The following PCNT variants were observed in gnomAD, a reference collection of about 807,000 sequenced individuals.
PCNT encodes the protein pericentrin.
Under a neutral mutation model 380.4 loss-of-function variants are expected in PCNT, and 319 were observed. That is an observed-to-expected ratio of 0.84 (90% CI 0.77 to 0.92). The LOEUF is 0.92. Among genes scored for constraint, PCNT ranks in the 40% least tolerant of loss-of-function variants. The probability of loss-of-function intolerance (pLI) is 0.00; values close to 1 mark genes in which losing one functional copy is unlikely to be tolerated. For synonymous variants in PCNT, 1,845 were observed against 1,735.2 expected (o/e 1.06, Z -1.57); for missense variants, 4,400 against 4,255.3 (o/e 1.03, Z -0.95).
In PCNT at chr21:46,440,129, GTT is replaced by G. The variant is rs2053567856; in HGVS notation, c.9321_9322del (p.Ser3108ProfsTer38). 3 of 1,614,040 alleles carry G rather than the reference GTT, an allele frequency of 1.9e-6. No individual in the cohort carries two copies. Among genetic ancestry groups the G allele is most frequent in the African/African-American group, 1.3e-5 (1 of 74,936 alleles). On this transcript the variant is annotated frameshift_variant, in exon 42 of 47. Coordinates refer to ENST00000359568, the MANE Select transcript of PCNT (RefSeq NM_006031.6). LOFTEE classifies it high-confidence loss of function. Reference sequence around the variant, plus strand: ...AAGCCAGACGAAACGGCTCCACAGAGTTCCCTGAGGCGCCCAGACCCCGGCCG... The same window carrying G: ...AAGCCAGACGAAACGGCTCCACAGAGCCCTGAGGCGCCCAGACCCCGGCCG...
chr21:46,406,223 C>G (rs1419370055), intron 27 of PCNT, among the ~76,000 whole-genome samples: 1 of 152,212 alleles, frequency 6.6e-6, no homozygotes, highest in Non-Finnish European at 1.5e-5. Flanking sequence ...TCCAGCCATC[C>G]TAACACCTCA....
At chr21:46,348,960 T>C (rs1313422872) in intron 6 of PCNT, 52 bp from the exon 7 acceptor site, 1 of 1,238,834 alleles carries the variant, frequency 8.1e-7, no homozygotes, top group African/African-American at 1.5e-5. Context: ...TTTAAATTTC[T>C]TTAGCACAGA....
At chr21:46,335,762 T>A (rs1001203808) in intron 3 of PCNT, among the ~76,000 whole-genome samples, 2 of 151,770 alleles carry the variant, frequency 1.3e-5, no homozygotes, top group African/African-American at 4.8e-5. Flanking sequence ...CTTGGCTTAC[T>A]GTAACCTCCG....
Position 46,399,842 on chromosome 21 carries a change from G to A in PCNT, c.4791+46G>A, listed in dbSNP as rs201950773. The A allele has an allele frequency of 4.0e-4, 593 of 1,498,168 alleles. 1 individual carries two copies. Among genetic ancestry groups the A allele is most frequent in the African/African-American group, 4.4e-4 (32 of 72,850 alleles). The allele number at this position is 1,498,168 out of a possible 1,614,324, so 92.8% of individuals were successfully genotyped here. On this transcript the variant is annotated intron_variant, in intron 25 of 46. Transcript: ENST00000359568. Reference sequence around the variant, plus strand: ...GGTTGGGCACGTGGTGAGGTGTCCCGCAGGCATGGCTTCATCGCTGAGCTG... The same window carrying A: ...GGTTGGGCACGTGGTGAGGTGTCCCACAGGCATGGCTTCATCGCTGAGCTG...
chr21:46,421,250 TCC>T (rs2087236727), intron 31 of PCNT, among the ~76,000 whole-genome samples: 1 of 152,222 alleles, frequency 6.6e-6, no homozygotes, highest in Non-Finnish European at 1.5e-5. Flanking sequence ...CAGCCTCCGC[TCC>T]CCAGGGAGCT....
At chr21:46,359,808 A>C (rs992224731) in intron 13 of PCNT, among the ~76,000 whole-genome samples, 1 of 150,832 alleles carries the variant, frequency 6.6e-6, no homozygotes, top group African/African-American at 2.4e-5. Context: ...CAATACAGTC[A>C]TTCCAACCTT....
chr21:46,364,325 G>T (rs2084823884), intron 14 of PCNT, among the ~76,000 whole-genome samples: 1 of 151,692 alleles, frequency 6.6e-6, no homozygotes, highest in South Asian at 2.1e-4. Context: ...GGGCAGGCTG[G>T]CAGCCGCCAC....
chr21:46,347,198 G>A (rs1042580922), intron 5 of PCNT, among the ~76,000 whole-genome samples, 200 bp downstream of exon 5: 1 of 152,228 alleles, frequency 6.6e-6, no homozygotes, highest in African/African-American at 2.4e-5. Flanking sequence ...GAGATTATTA[G>A]AGCAGGTTTC....
Position 46,431,647 on chromosome 21 carries a change from G to T in PCNT, c.8183G>T (p.Arg2728Leu), listed in dbSNP as rs1412889091. 6.2e-7 allele frequency: 1 copy of T among 1,613,810 alleles called. No homozygotes were observed. Among genetic ancestry groups the T allele is most frequent in the Non-Finnish European group, 8.5e-7 (1 of 1,179,898 alleles). Residue 2728 changes from arginine (R) to leucine (L), a missense_variant, in exon 38 of 47, where the codon CGC becomes CTC. Physicochemically the swap from Arg to Leu is moderately radical, Grantham distance 102. Coordinates refer to ENST00000359568, the MANE Select transcript of PCNT (RefSeq NM_006031.6). ...AAGGAGCTGCGTATCGAGCACTCACGCTGCGAGGCCTTGCTGGCTCAGGAG... is the reference window on the plus strand; with the variant it reads ...AAGGAGCTGCGTATCGAGCACTCACTCTGCGAGGCCTTGCTGGCTCAGGAG... ...LQKELRIEHS[R>L]CEALLAQERS... is the part of the protein sequence containing the mutation.
chr21:46,372,270 C>T (rs9984689), intron 15 of PCNT, among the ~76,000 whole-genome samples: 19,777 of 151,374 alleles, frequency 0.13, 1,352 homozygotes, highest in South Asian at 0.21. Context: ...GCACGTGTAG[C>T]ACATGCATGC....
chr21:46,330,459 G>A (rs1253808859), intron 2 of PCNT, among the ~76,000 whole-genome samples: 1 of 152,128 alleles, frequency 6.6e-6, no homozygotes, highest in Non-Finnish European at 1.5e-5. Context: ...AAACTAAGTA[G>A]TATGTGTAGA....
chr21:46,353,976 T>C lies in PCNT; in HGVS notation c.1680-11T>C. On this transcript the variant is annotated splice_polypyrimidine_tract_variant and intron_variant, in intron 10 of 46. Coordinates refer to ENST00000359568, the MANE Select transcript of PCNT (RefSeq NM_006031.6). ...CGTGTGTAAAGCTTTTATAAAATGT[T>C]TTCCCTTCAGGTTGTCCTGTGTGGG... The C allele has an allele frequency of 6.2e-7, 1 of 1,611,584 alleles. No homozygotes were observed. Among genetic ancestry groups the C allele is most frequent in the Non-Finnish European group, 8.5e-7 (1 of 1,177,762 alleles).
Position 46,384,618 on chromosome 21 carries a change from G to A in PCNT, c.3313-1214G>A, listed in dbSNP as rs2085755990. The stretch of plus-strand genomic sequence containing the variant: ...CAGTGCTGTACATTCAGTGGCAGAA[G>A]TGCATTCGTGGTGTGCATTCAGGGG... On this transcript the variant is annotated intron_variant, in intron 16 of 46. Coordinates refer to ENST00000359568, the MANE Select transcript of PCNT (RefSeq NM_006031.6). Among the ~76,000 whole-genome samples, 2 of 124,246 alleles carry A rather than the reference G, an allele frequency of 1.6e-5. 1 individual carries two copies. The highest frequency in any genetic ancestry group is 1.7e-4 in the Admixed American group (2 of 11,764). 81.5% of individuals were successfully genotyped at this position (124,246 alleles called of 152,430 possible).
chr21:46,434,229 T>TA (rs1371754182), intron 38 of PCNT, among the ~76,000 whole-genome samples: 24 of 152,382 alleles, frequency 1.6e-4, no homozygotes, highest in Admixed American at 1.3e-3. Flanking sequence ...CTCTGTATCT[T>TA]ACTTTCCTTA....
intron 21 of PCNT, chr21:46,394,500 A>G (rs951225818): frequency 3.0e-6 from 3 of 984,982 alleles, no homozygotes; most frequent in East Asian, 2.3e-4. Context: ...ACTCTTGTTC[A>G]TAGGCACAGC....
At chr21:46,437,248 G>A (rs2053485906) in intron 40 of PCNT, among the ~76,000 whole-genome samples, 167 bp downstream of exon 40, 1 of 152,082 alleles carries the variant, frequency 6.6e-6, no homozygotes, top group Admixed American at 6.5e-5. Flanking sequence ...GACCCTGTGG[G>A]CCGAGTGGGG....
chr21:46,379,442 T>G (rs2085441111), intron 15 of PCNT, among the ~76,000 whole-genome samples: 1 of 152,224 alleles, frequency 6.6e-6, no homozygotes, highest in Non-Finnish European at 1.5e-5. Context: ...TGGGTCTCTG[T>G]CAGTTTGTCC....
chr21:46,329,960 A>G (rs539341811), intron 2 of PCNT, among the ~76,000 whole-genome samples: 2 of 152,324 alleles, frequency 1.3e-5, no homozygotes, highest in East Asian at 3.9e-4. Flanking sequence ...TTACAGCTTG[A>G]CATCAGCAGA....
At position 46,397,488 on chromosome 21, in the gene PCNT, C is replaced by T. The variant is rs770069479; in HGVS notation, c.4440C>T (p.Phe1480=). 6.2e-6 allele frequency: 10 copies of T among 1,612,712 alleles called. No homozygotes were observed. Among genetic ancestry groups the T allele is most frequent in the East Asian group, 2.2e-5 (1 of 44,884 alleles). The change falls in exon 22 of 47, where the codon TTC becomes TTT. Residue 1480 remains phenylalanine (F), a synonymous_variant. Transcript: ENST00000359568. ...AGCATTTGCGCAACCAGCGGCAATT[C>T]ATGGATGTAAGAATTCTGAATAATA... ...LDKHLRNQRQ[F]MDEQAAEREH...
Sources: gnomAD v4.1 joint callset for allele counts (sites outside exome capture counted in the v4.1 genomes callset) on GRCh38, gnomAD v4.1.1 for gene constraint, MANE v1.5 for transcripts, NCBI Gene and HGNC (gene_info 2026-07-23, HGNC 2026-07-21) for gene names.